The following NIPA2 variants were observed in gnomAD, a reference collection of about 807,000 sequenced individuals.
NIPA2 encodes magnesium transporter NIPA2.
In NIPA2, 11 loss-of-function variants were observed where a neutral mutation model predicts 29.7. The observed-to-expected ratio is 0.37, with a 90% CI of 0.23 to 0.61. The LOEUF (loss-of-function observed/expected upper bound fraction) is 0.61. Among genes scored for constraint, NIPA2 ranks in the 20% least tolerant of loss-of-function variants. The pLI is 0.66. For synonymous variants in NIPA2, 183 were observed against 161.9 expected (o/e 1.13, Z -0.99); for missense variants, 426 against 437.9 (o/e 0.97, Z 0.24).
At chr15:22,856,741 G>A (rs2058205810) in intron 5 of NIPA2, among the ~76,000 whole-genome samples, 1 of 152,090 alleles carries the variant, frequency 6.6e-6, no homozygotes, top group Non-Finnish European at 1.5e-5. Flanking sequence ...AATGAAAATG[G>A]GAAATGCAAA....
chr15:22,858,619 C>T lies in NIPA2; in HGVS notation c.276C>T (p.Ser92=), dbSNP rs145231975. The T allele has an allele frequency of 1.8e-5, 28 of 1,594,588 alleles. No homozygotes were observed. Among genetic ancestry groups the T allele is most frequent in the African/African-American group, 1.3e-4 (10 of 74,442 alleles). The change falls in exon 6 of 8, where the codon AGC becomes AGT. Residue 92 remains serine, a synonymous_variant. Coordinates refer to ENST00000337451, the MANE Select transcript of NIPA2 (RefSeq NM_030922.7). ...TAGTGACTCCACTAGGAGCTCTCAG[C>T]GTGCTAGTAAGGTAAGGACACGTTT... ...ATLVTPLGAL[S]VLVSAILSSY... is the part of the protein sequence containing the mutation.
intron 3 of NIPA2, among the ~76,000 whole-genome samples, chr15:22,846,828 A>G (rs1898803834): frequency 2.6e-5 from 3 of 117,304 alleles, no homozygotes; most frequent in Non-Finnish European, 5.2e-5. Context: ...AAATAATAAT[A>G]ATAATAATAA....
intron 3 of NIPA2, 131 bp from the exon 4 acceptor site, chr15:22,851,504 TAATA>T (rs1223197811): frequency 1.1e-5 from 3 of 271,532 alleles, no homozygotes; most frequent in African/African-American, 2.2e-5. Flanking sequence ...TAAATTTAAA[TAATA>T]AATATTATCA....
chr15:22,850,292 G>A (rs1287975992), intron 3 of NIPA2, among the ~76,000 whole-genome samples: 1 of 152,006 alleles, frequency 6.6e-6, no homozygotes, highest in African/African-American at 2.4e-5. Context: ...GGCTATGGCA[G>A]GGTGCGAAGG....
chr15:22,867,467 G>A lies in NIPA2; in HGVS notation c.*620G>A. 3.0e-6 allele frequency: 1 copy of A among 330,816 alleles called. No individual in the cohort carries two copies. Among genetic ancestry groups the A allele is most frequent in the East Asian group, 4.6e-5 (1 of 21,910 alleles). The allele number at this position is 330,816 out of a possible 1,614,324, so 20.5% of individuals were successfully genotyped here. On this transcript the variant is annotated 3_prime_UTR_variant, in exon 8 of 8. Coordinates refer to ENST00000337451, the MANE Select transcript of NIPA2 (RefSeq NM_030922.7). ...TCACCGTGAATCCGGCTTCCTCTGAGCATTCGATGGCCTTAGCACCTCATC... is the reference window on the plus strand; with the variant it reads ...TCACCGTGAATCCGGCTTCCTCTGAACATTCGATGGCCTTAGCACCTCATC...
chr15:22,864,021 T>C (rs1014998323), intron 7 of NIPA2, among the ~76,000 whole-genome samples: 1 of 152,162 alleles, frequency 6.6e-6, no homozygotes, highest in Middle Eastern at 3.2e-3. Context: ...TTCTTGCTTT[T>C]CTGAGGATAT....
At chr15:22,859,234 A>G (rs938215265) in intron 6 of NIPA2, among the ~76,000 whole-genome samples, 20 of 152,042 alleles carry the variant, frequency 1.3e-4, no homozygotes, top group African/African-American at 4.8e-4. Context: ...AGTATTTATC[A>G]TTCAGTGCAT....
chr15:22,854,564 G>A (rs1235980476), intron 5 of NIPA2, among the ~76,000 whole-genome samples: 1 of 150,130 alleles, frequency 6.7e-6, no homozygotes, highest in Non-Finnish European at 1.5e-5. Flanking sequence ...GGCCAACATG[G>A]TGAAACCCCG....
intron 7 of NIPA2, among the ~76,000 whole-genome samples, chr15:22,863,504 A>C (rs2058760134): frequency 6.6e-6 from 1 of 152,114 alleles, no homozygotes; most frequent in African/African-American, 2.4e-5. Flanking sequence ...GTAACTTGAG[A>C]CACTAAAATC....
intron 3 of NIPA2, among the ~76,000 whole-genome samples, chr15:22,847,467 C>A (rs998014092): frequency 1.4e-5 from 2 of 145,664 alleles, no homozygotes; most frequent in South Asian, 2.2e-4. Flanking sequence ...GATGATGATT[C>A]TTTTTTTTTT....
At chr15:22,852,981 A>C (rs1017133350) in intron 4 of NIPA2, among the ~76,000 whole-genome samples, 4 of 152,150 alleles carry the variant, frequency 2.6e-5, no homozygotes, top group African/African-American at 9.7e-5. Context: ...CTAGTCCCTG[A>C]TGCTTGGTCC....
chr15:22,855,673 T>G (rs1310109612), intron 5 of NIPA2, among the ~76,000 whole-genome samples: 1 of 151,402 alleles, frequency 6.6e-6, no homozygotes, highest in Non-Finnish European at 1.5e-5. Flanking sequence ...TCGGAAGGAG[T>G]GTTGTGAAAT....
chr15:22,862,898 C>CTTTTTTT (rs59317671), intron 7 of NIPA2, among the ~76,000 whole-genome samples: 14 of 110,276 alleles, frequency 1.3e-4, no homozygotes, highest in Non-Finnish European at 2.0e-4. Context: ...TGCCTTTATT[C>CTTTTTTT]TTTTTTTTTT....
chr15:22,858,497 A>C, intron 5 of NIPA2, 43 bp from the exon 6 acceptor site: 1 of 1,316,160 alleles, frequency 7.6e-7, no homozygotes, highest in Non-Finnish European at 1.1e-6. Flanking sequence ...AGTTGAGTAC[A>C]TACATTCTTA....
At chr15:22,842,566 C>T (rs527600988) in intron 2 of NIPA2, among the ~76,000 whole-genome samples, 19 of 151,986 alleles carry the variant, frequency 1.3e-4, no homozygotes, top group African/African-American at 4.1e-4. Flanking sequence ...CGGTAACTCA[C>T]GCCTGTAATC....
chr15:22,860,631 C>T lies in NIPA2; in HGVS notation c.290C>T (p.Ala97Val). ...ATTTTTTTTCCTCCCCATTTTAGTG[C>T]CATTCTTTCTTCATACTTTCTCAAT... Reference protein sequence around the residue: ...PLGALSVLVSAILSSYFLNER... With the variant: ...PLGALSVLVSVILSSYFLNER... Residue 97 changes from alanine to valine, a missense_variant and splice_region_variant, in exon 7 of 8, where the codon GCC (alanine) becomes GTC (valine). By Grantham distance (64) the Ala-to-Val change is moderately conservative (BLOSUM62 0). This residue lies in a region of NIPA2 where 357 missense variants were observed against 339.8 expected (regional missense o/e 1.05). Coordinates refer to ENST00000337451, the MANE Select transcript of NIPA2 (RefSeq NM_030922.7). 1 of 1,547,034 alleles carries T rather than the reference C, an allele frequency of 6.5e-7. No individual in the cohort carries two copies. The highest frequency in any genetic ancestry group is 2.4e-5 in the East Asian group (1 of 42,022).
At chr15:22,853,763 A>G (rs765030339) in intron 5 of NIPA2, among the ~76,000 whole-genome samples, 2 of 152,206 alleles carry the variant, frequency 1.3e-5, no homozygotes, top group African/African-American at 2.4e-5. Context: ...TAATAATTGC[A>G]TTATGGTATC....
intron 3 of NIPA2, among the ~76,000 whole-genome samples, chr15:22,847,570 T>A (rs1297342043): frequency 6.6e-6 from 1 of 152,070 alleles, no homozygotes; most frequent in Non-Finnish European, 1.5e-5. Flanking sequence ...CTTCAAGCAG[T>A]TCTCCTGCCT....
chr15:22,852,362 AG>A (rs2057818517), intron 4 of NIPA2, among the ~76,000 whole-genome samples: 1 of 151,736 alleles, frequency 6.6e-6, no homozygotes, highest in African/African-American at 2.4e-5. Context: ...GCTACTCAGG[AG>A]GATGAGGCAG....
Sources: allele counts gnomAD v4.1 joint callset (sites outside exome capture counted in the v4.1 genomes callset), GRCh38; gene constraint gnomAD v4.1.1; regional missense constraint gnomAD v4.1.1; transcripts MANE v1.5; gene names NCBI Gene and HGNC (gene_info 2026-07-23, HGNC 2026-07-21).